The following ST6GALNAC5 variants were observed in gnomAD, a reference collection of about 807,000 sequenced individuals.
ST6GALNAC5 encodes alpha-N-acetylgalactosaminide alpha-2,6-sialyltransferase 5.
A neutral mutation model predicts 33.6 loss-of-function variants in ST6GALNAC5; 27 were observed. The ratio of observed to expected loss-of-function variants is 0.80; its 90% confidence interval spans 0.59 to 1.11. The LOEUF is 1.11. Ranked by LOEUF, ST6GALNAC5 falls within the 50% of genes least tolerant of loss-of-function variation. The probability of loss-of-function intolerance (pLI) is 0.00; values close to 1 mark genes in which losing one functional copy is unlikely to be tolerated. For synonymous variants in ST6GALNAC5, 194 were observed against 171.2 expected, an observed-to-expected ratio of 1.13 and a Z score of -1.04; for missense variants, 428 against 454.0, an observed-to-expected ratio of 0.94 and a Z score of 0.52.
At chr1:76,945,121 A>G (rs1041660722) in intron 2 of ST6GALNAC5, among the ~76,000 whole-genome samples, 15 of 152,068 alleles carry the variant, frequency 9.9e-5, no homozygotes, top group African/African-American at 3.6e-4. Flanking sequence ...AACCCTCCAT[A>G]TTGACCTGAG....
intron 2 of ST6GALNAC5, among the ~76,000 whole-genome samples, chr1:77,005,974 A>T (rs1478465695): frequency 6.6e-6 from 1 of 152,182 alleles, no homozygotes. Flanking sequence ...TGTTTCCAAC[A>T]TTTGGCTTTT....
chr1:76,872,532 T>C (rs1653534482), intron 2 of ST6GALNAC5, among the ~76,000 whole-genome samples: 1 of 152,200 alleles, frequency 6.6e-6, no homozygotes, highest in Non-Finnish European at 1.5e-5. Context: ...GTACTATTAC[T>C]ATTAACTGGT....
At chr1:76,966,012 T>C (rs1648458282) in intron 2 of ST6GALNAC5, among the ~76,000 whole-genome samples, 1 of 152,234 alleles carries the variant, frequency 6.6e-6, no homozygotes, top group Non-Finnish European at 1.5e-5. Flanking sequence ...TACTGTAGCC[T>C]TGTAGTAGAG....
chr1:76,868,631 G>A lies in ST6GALNAC5; in HGVS notation c.150G>A (p.Ala50=). 4 of 1,609,422 alleles carry A rather than the reference G, an allele frequency of 2.5e-6. No homozygotes were observed. The highest frequency in any genetic ancestry group is 1.3e-5 in the African/African-American group (1 of 74,874). The change falls in exon 2 of 5, where the codon GCG becomes GCA. Residue 50 remains alanine, a synonymous_variant. Coordinates refer to ENST00000477717, the MANE Select transcript of ST6GALNAC5 (RefSeq NM_030965.3). The surrounding 1 kb of genome is among the most constrained non-coding windows in gnomAD (Gnocchi z 4.3). ...AGCAGCAGCAACAGCAGCAGCAGGC[G>A]TCGGCCACCGGCAGCTCGCAGCCGG... The part of the protein sequence containing the change: ...QQQQQQQQQQ[A]SATGSSQPAA...
chr1:77,027,620 T>G (rs1346815032), intron 2 of ST6GALNAC5, among the ~76,000 whole-genome samples: 1 of 152,084 alleles, frequency 6.6e-6, no homozygotes, highest in Non-Finnish European at 1.5e-5. Context: ...ATTGATTTGT[T>G]GAGGAGAAGG....
intron 2 of ST6GALNAC5, among the ~76,000 whole-genome samples, chr1:76,938,393 A>G (rs1647245141): frequency 6.6e-6 from 1 of 152,090 alleles, no homozygotes; most frequent in African/African-American, 2.4e-5. Flanking sequence ...ACTTAAACGT[A>G]TCATTTGTAG....
Position 76,886,277 on chromosome 1 carries a change from C to T in ST6GALNAC5, c.261+17535C>T, listed in dbSNP as rs1036275426. Among the ~76,000 whole-genome samples the T allele has an allele frequency of 3.9e-5, 6 of 152,268 alleles. No homozygotes were observed. In the South Asian group the frequency reaches 1.2e-3, roughly 32 times the overall value. The stretch of plus-strand genomic sequence containing the variant: ...CTTTATCTTATTTTAACCCAACTTA[C>T]TGAATTCTATGACTATTTTCTTAGT... On this transcript the variant is annotated intron_variant, in intron 2 of 4. Coordinates refer to ENST00000477717, the MANE Select transcript of ST6GALNAC5 (RefSeq NM_030965.3).
intron 2 of ST6GALNAC5, among the ~76,000 whole-genome samples, chr1:76,958,329 C>T (rs2100346559): frequency 6.6e-6 from 1 of 152,294 alleles, no homozygotes; most frequent in East Asian, 1.9e-4. Flanking sequence ...TTTTTGTACA[C>T]ATTTAACTCA....
At chr1:77,051,354 G>A (rs1652210548) in intron 4 of ST6GALNAC5, among the ~76,000 whole-genome samples, 1 of 152,168 alleles carries the variant, frequency 6.6e-6, no homozygotes, top group South Asian at 2.1e-4. Flanking sequence ...ATATGGAAGA[G>A]TCAGGCCGCA....
intron 2 of ST6GALNAC5, among the ~76,000 whole-genome samples, chr1:77,009,676 G>A (rs904045002): frequency 1.3e-5 from 2 of 152,124 alleles, no homozygotes; most frequent in Admixed American, 6.5e-5. Flanking sequence ...TTCTGGGGCT[G>A]TATTTCTCTC....
At chr1:76,995,948 AG>A (rs1315901393) in intron 2 of ST6GALNAC5, among the ~76,000 whole-genome samples, 1 of 152,206 alleles carries the variant, frequency 6.6e-6, no homozygotes, top group Non-Finnish European at 1.5e-5. Flanking sequence ...TAAAGGAGAG[AG>A]ACCATTAGAC....
chr1:77,052,561 A>G (rs1400396847), intron 4 of ST6GALNAC5, among the ~76,000 whole-genome samples: 1 of 151,914 alleles, frequency 6.6e-6, no homozygotes, highest in East Asian at 1.9e-4. Flanking sequence ...TAATATTAAT[A>G]AGATATGTAA....
At position 76,868,607 on chromosome 1, in the gene ST6GALNAC5, G is replaced by A. The variant is rs62637703; in HGVS notation, c.126G>A (p.Gln42=). The change falls in exon 2 of 5, where the codon CAG becomes CAA. Residue 42 remains glutamine (Q), a synonymous_variant. Coordinates refer to ENST00000477717, the MANE Select transcript of ST6GALNAC5 (RefSeq NM_030965.3). This position sits in a 1 kb window ranked among gnomAD's most constrained non-coding sequence, Gnocchi z 4.3. ...AGCGGCCCCCGCAGCAGCAGCAGCAGCAGCAGCAACAGCAGCAGCAGGCGT... is the reference window on the plus strand; with the variant it reads ...AGCGGCCCCCGCAGCAGCAGCAGCAACAGCAGCAACAGCAGCAGCAGGCGT... The part of the protein sequence containing the change: ...QKERPPQQQQ[Q]QQQQQQQASA... 2.5e-6 allele frequency: 4 copies of A among 1,611,442 alleles called. No homozygotes were observed. Among genetic ancestry groups the A allele is most frequent in the Non-Finnish European group, 8.5e-7 (1 of 1,179,270 alleles).
intron 2 of ST6GALNAC5, among the ~76,000 whole-genome samples, chr1:76,875,288 T>C (rs1458031005): frequency 6.6e-6 from 1 of 152,144 alleles, no homozygotes; most frequent in Non-Finnish European, 1.5e-5. Context: ...TCCTGAGGGG[T>C]CTGGGTCACT....
At chr1:77,038,378 C>T (rs942610262) in intron 2 of ST6GALNAC5, among the ~76,000 whole-genome samples, 28 of 152,186 alleles carry the variant, frequency 1.8e-4, no homozygotes, top group African/African-American at 6.5e-4. Flanking sequence ...ACAGTAATTA[C>T]AGGAAAACAT....
chr1:77,005,963 TTG>T (rs757761630), intron 2 of ST6GALNAC5, among the ~76,000 whole-genome samples: 11 of 152,232 alleles, frequency 7.2e-5, no homozygotes, highest in Non-Finnish European at 1.3e-4. Flanking sequence ...GGCATTTGGG[TTG>T]TTTCCAACAT....
intron 2 of ST6GALNAC5, among the ~76,000 whole-genome samples, chr1:76,971,635 G>A (rs544817407): frequency 8.8e-4 from 132 of 150,814 alleles, no homozygotes; most frequent in Middle Eastern, 6.8e-3. Context: ...ATTCCATTTC[G>A]TCCCTCTATG....
At chr1:76,919,964 C>T (rs74092226) in intron 2 of ST6GALNAC5, among the ~76,000 whole-genome samples, 5,563 of 151,978 alleles carry the variant, frequency 0.037, 352 homozygotes, top group African/African-American at 0.13. Context: ...ACTATAAATA[C>T]GGCATTAAAA....
intron 2 of ST6GALNAC5, among the ~76,000 whole-genome samples, chr1:76,877,189 G>C (rs970781487): frequency 6.6e-6 from 1 of 152,148 alleles, no homozygotes; most frequent in Admixed American, 6.5e-5. Flanking sequence ...AGATGGCAGG[G>C]CCTTGCTCCA....
Sources: gnomAD v4.1 joint callset for allele counts (sites outside exome capture counted in the v4.1 genomes callset) on GRCh38, gnomAD v4.1.1 for gene constraint, Gnocchi (gnomAD v3.1) non-coding constraint, MANE v1.5 for transcripts, NCBI Gene and HGNC (gene_info 2026-07-23, HGNC 2026-07-21) for gene names.